Variants in KIAA1217 observed in about 807,000 individuals in gnomAD.
KIAA1217 encodes KIAA1217.
KIAA1217 carries 88 observed loss-of-function variants against 163.9 expected under a neutral mutation model. The ratio of observed to expected loss-of-function variants is 0.54; its 90% CI spans 0.45 to 0.64. KIAA1217 has a LOEUF of 0.64. Among genes scored for constraint, KIAA1217 ranks in the 30% least tolerant of loss-of-function variants. The pLI is 0.00. For missense variants in KIAA1217, 2,372 were observed against 2,475.0 expected (o/e 0.96, Z 0.88); for synonymous variants, 903 against 923.1 (o/e 0.98, Z 0.39).
intron 2 of KIAA1217, among the ~76,000 whole-genome samples, chr10:24,245,470 A>G (rs1300681048): frequency 2.6e-5 from 4 of 152,308 alleles, no homozygotes; most frequent in Non-Finnish European, 1.5e-5. Flanking sequence ...CTTGCCACTC[A>G]GAAGCAAATG....
At chr10:24,199,805 C>T (rs1431195788) in intron 2 of KIAA1217, among the ~76,000 whole-genome samples, 1 of 152,056 alleles carries the variant, frequency 6.6e-6, no homozygotes, top group African/African-American at 2.4e-5. Flanking sequence ...TTATGACTGG[C>T]TCAGGTGACA....
chr10:23,873,354 C>T (rs1424747813), intron 1 of KIAA1217, among the ~76,000 whole-genome samples: 1 of 151,846 alleles, frequency 6.6e-6, no homozygotes, highest in Non-Finnish European at 1.5e-5. Context: ...GAATATTTTT[C>T]TGAAAGGTGG....
chr10:23,826,670 G>C (rs1837915187), intron 1 of KIAA1217, among the ~76,000 whole-genome samples: 3 of 152,168 alleles, frequency 2.0e-5, no homozygotes, highest in Non-Finnish European at 4.4e-5. Context: ...TCCATGCTGG[G>C]AACATAAGGA....
intron 1 of KIAA1217, among the ~76,000 whole-genome samples, chr10:23,763,356 C>T (rs1399370000): frequency 6.6e-6 from 1 of 152,184 alleles, no homozygotes; most frequent in Non-Finnish European, 1.5e-5. Flanking sequence ...TACCTGACTT[C>T]AAACTATACT....
intron 1 of KIAA1217, among the ~76,000 whole-genome samples, chr10:23,991,818 T>C (rs775632264): frequency 2.6e-5 from 4 of 152,110 alleles, no homozygotes; most frequent in African/African-American, 4.8e-5. Context: ...CAGTGTCAGA[T>C]AGGAAAATAA....
chr10:23,699,720 G>T (rs1836299381), intron 1 of KIAA1217, among the ~76,000 whole-genome samples: 1 of 151,984 alleles, frequency 6.6e-6, no homozygotes, highest in African/African-American at 2.4e-5. Context: ...GAACTCTTGG[G>T]CTCAAGTGAT....
intron 2 of KIAA1217, among the ~76,000 whole-genome samples, chr10:24,379,477 C>T (rs558226299): frequency 5.3e-5 from 8 of 152,176 alleles, no homozygotes; most frequent in East Asian, 1.9e-4. Context: ...CTCCTTGAAG[C>T]CACATCCCTT....
At chr10:24,051,222 C>T (rs1849478776) in intron 2 of KIAA1217, among the ~76,000 whole-genome samples, 1 of 152,166 alleles carries the variant, frequency 6.6e-6, no homozygotes, top group Admixed American at 6.5e-5. Flanking sequence ...TGGTCTCCAA[C>T]TCCATCCAGG....
In KIAA1217 at chr10:24,520,174, C is replaced by A; in HGVS notation, c.2229C>A (p.Ser743Arg). 6.2e-7 allele frequency: 1 copy of A among 1,614,052 alleles called. No individual in the cohort carries two copies. Among genetic ancestry groups the A allele is most frequent in the East Asian group, 2.2e-5 (1 of 44,858 alleles). The change falls in exon 11 of 21, where the codon AGC becomes AGA. Residue 743 changes from serine (S) to arginine (R), a missense_variant. This residue lies in a region of KIAA1217 where 1,431 missense variants were observed against 1,470.3 expected (regional missense o/e 0.97). Transcript: ENST00000376454. ...EDLKKDSTAASRLVTLKDVED... is the reference protein window; with the variant it reads ...EDLKKDSTAARRLVTLKDVED... Reference sequence around the variant, plus strand: ...TGAAGAAGGACTCCACGGCAGCCAGCCGATTGGTTACTCTGAAAGACGTGG... The same window carrying A: ...TGAAGAAGGACTCCACGGCAGCCAGACGATTGGTTACTCTGAAAGACGTGG...
chr10:24,150,018 T>A (rs965645269), intron 2 of KIAA1217, among the ~76,000 whole-genome samples: 2 of 152,178 alleles, frequency 1.3e-5, no homozygotes, highest in South Asian at 2.1e-4. Flanking sequence ...TTTTTCTTTT[T>A]TCTTTTTCTT....
intron 1 of KIAA1217, among the ~76,000 whole-genome samples, chr10:23,719,074 CAG>C (rs1401219988): frequency 5.3e-5 from 8 of 152,122 alleles, no homozygotes; most frequent in Non-Finnish European, 1.2e-4. Flanking sequence ...TAATTGAAAA[CAG>C]ATATTCAGAC....
chr10:23,944,399 G>T (rs906414440), intron 1 of KIAA1217, among the ~76,000 whole-genome samples: 9 of 151,974 alleles, frequency 5.9e-5, no homozygotes, highest in Admixed American at 5.2e-4. Context: ...ATTCCAGCCT[G>T]GGCAAAAGAG....
chr10:24,029,815 G>C (rs777695340), intron 2 of KIAA1217, among the ~76,000 whole-genome samples: 3 of 152,198 alleles, frequency 2.0e-5, no homozygotes, highest in Non-Finnish European at 4.4e-5. Context: ...AGTGGGGAGA[G>C]AGAGAAGTTT....
intron 2 of KIAA1217, among the ~76,000 whole-genome samples, chr10:24,041,406 CTA>C (rs1247183056): frequency 1.3e-5 from 2 of 152,130 alleles, no homozygotes; most frequent in East Asian, 3.8e-4. Context: ...TACATCATGA[CTA>C]TTGTTTTTTG....
chr10:23,847,440 C>G (rs1326036440), intron 1 of KIAA1217, among the ~76,000 whole-genome samples: 1 of 152,126 alleles, frequency 6.6e-6, no homozygotes, highest in Non-Finnish European at 1.5e-5. Context: ...CGACTTCTTC[C>G]TGGTTTAAAC....
intron 3 of KIAA1217, among the ~76,000 whole-genome samples, chr10:24,402,941 G>A (rs1185326011): frequency 1.3e-5 from 2 of 152,162 alleles, no homozygotes; most frequent in African/African-American, 4.8e-5. Context: ...GACCAGCCTG[G>A]CCAAGTGAAA....
upstream of KIAA1217, chr10:24,209,088 C>G: frequency 1.1e-6 from 1 of 885,850 alleles, no homozygotes; most frequent in Non-Finnish European, 1.8e-6. Context: ...TCGCACCGTC[C>G]CCTCCTCCCC....
intron 2 of KIAA1217, among the ~76,000 whole-genome samples, chr10:24,325,617 T>C (rs2044766542): frequency 6.6e-6 from 1 of 152,216 alleles, no homozygotes; most frequent in African/African-American, 2.4e-5. Flanking sequence ...ACATGACTAA[T>C]TACAAGTGGC....
chr10:24,504,469 A>G (rs533109730), intron 9 of KIAA1217, among the ~76,000 whole-genome samples: 2 of 152,314 alleles, frequency 1.3e-5, no homozygotes, highest in East Asian at 3.9e-4. Context: ...GAGTCTACTT[A>G]AGACAAAAAC....
Sources: allele counts gnomAD v4.1 joint callset (sites outside exome capture counted in the v4.1 genomes callset), GRCh38; gene constraint gnomAD v4.1.1; regional missense constraint gnomAD v4.1.1; transcripts MANE v1.5; gene names NCBI Gene and HGNC (gene_info 2026-07-23, HGNC 2026-07-21).